Variants in ZNF451 observed in about 807,000 individuals in gnomAD.
The protein encoded by ZNF451 is E3 SUMO-protein ligase ZNF451.
ZNF451 carries 80 observed loss-of-function variants against 107.1 expected under a neutral mutation model. The observed-to-expected ratio is 0.75, with a 90% CI of 0.62 to 0.90. The LOEUF (loss-of-function observed/expected upper bound fraction) is 0.90. Ranked by LOEUF, ZNF451 falls within the 40% of genes least tolerant of loss-of-function variation. The probability of loss-of-function intolerance (pLI) is 0.00; values close to 1 mark genes in which losing one functional copy is unlikely to be tolerated. For synonymous variants in ZNF451, 362 were observed against 406.5 expected, an observed-to-expected ratio of 0.89 and a Z score of 1.32; for missense variants, 1,107 against 1,236.2, an observed-to-expected ratio of 0.90 and a Z score of 1.57.
chr6:57,098,767 TTG>T (rs1039262106), intron 2 of ZNF451, among the ~76,000 whole-genome samples: 3 of 152,230 alleles, frequency 2.0e-5, no homozygotes, highest in African/African-American at 4.8e-5. Context: ...ATTATAATAT[TTG>T]TGTCTTTGTA....
At chr6:57,113,929 A>C (rs904772579) in intron 3 of ZNF451, among the ~76,000 whole-genome samples, 17 of 152,058 alleles carry the variant, frequency 1.1e-4, no homozygotes, top group African/African-American at 1.4e-4. Context: ...CCAGCCGAAA[A>C]ATTTTTTATA....
rs900317803 is a variant in ZNF451 at position 57,151,988 on chromosome 6, A to G, written c.2753-233A>G. ...CACACATTGCTTTTGATTTTGCCTA[A>G]TATCCATGTGAGTTTTAAGATGAGT... is the stretch of plus-strand genomic sequence containing the variant. On this transcript the variant is annotated intron_variant, in intron 11 of 14. Transcript: ENST00000370706. The G allele has an allele frequency of 1.5e-5, 6 of 409,864 alleles. No individual in the cohort carries two copies. The South Asian group carries it at 2.5e-4, about 17-fold the overall frequency. 25.4% of individuals were successfully genotyped at this position (409,864 alleles called of 1,614,324 possible). A position where few individuals can be genotyped will look rare whatever the true frequency, so the allele number is the denominator to read the frequency against.
At chr6:57,091,970 ACT>A (rs998931630) in intron 2 of ZNF451, among the ~76,000 whole-genome samples, 1 of 151,856 alleles carries the variant, frequency 6.6e-6, no homozygotes, top group Non-Finnish European at 1.5e-5. Flanking sequence ...TGTATGTTGT[ACT>A]CTCTCCTTTT....
chr6:57,166,039 T>A (rs1048296014), intron 14 of ZNF451, among the ~76,000 whole-genome samples: 1 of 152,140 alleles, frequency 6.6e-6, no homozygotes, highest in African/African-American at 2.4e-5. Flanking sequence ...CTACTTTTTT[T>A]TTTTTTGAGA....
Position 57,132,331 on chromosome 6 carries a change from A to G in ZNF451, c.425-711A>G, listed in dbSNP as rs568136750. On this transcript the variant is annotated intron_variant, in intron 5 of 14. Coordinates refer to ENST00000370706, the MANE Select transcript of ZNF451 (RefSeq NM_001031623.3). ...ATTCCATCCTCTCTACCCCAGTTAC[A>G]TTGTGTAATATAATTTTCATAGAGC... 3.5e-4 allele frequency among the ~76,000 whole-genome samples: 53 copies of G among 152,310 alleles called. No homozygotes were observed. The South Asian group carries it at 9.5e-3, about 27-fold the overall frequency.
chr6:57,127,307 T>C (rs1359775115), intron 4 of ZNF451, among the ~76,000 whole-genome samples: 1 of 152,194 alleles, frequency 6.6e-6, no homozygotes, highest in African/African-American at 2.4e-5. Context: ...AATTTTGTGT[T>C]AAAACCAGTG....
rs1763656478 is a variant in ZNF451 at position 57,161,162 on chromosome 6, T to C, written c.3139+10T>C. The C allele has an allele frequency of 6.9e-7, 1 of 1,459,690 alleles. No individual in the cohort carries two copies. The highest frequency in any genetic ancestry group is 1.4e-5 in the African/African-American group (1 of 69,136). 90.4% of individuals were successfully genotyped at this position (1,459,690 alleles called of 1,614,324 possible). A position where few individuals can be genotyped will look rare whatever the true frequency, so the allele number is the denominator to read the frequency against. On this transcript the variant is annotated intron_variant, in intron 14 of 14. Transcript: ENST00000370706. The stretch of plus-strand genomic sequence containing the variant: ...TTTATATCCACAGAAGGTAACCTAA[T>C]AGAGTTAATCTCTTTTCTACTTGAC...
intron 13 of ZNF451, chr6:57,158,954 T>G: frequency 2.0e-6 from 2 of 985,424 alleles, no homozygotes; most frequent in Non-Finnish European, 2.4e-6. Flanking sequence ...ACCTAGGTGC[T>G]ATGGAAGTGT....
intron 3 of ZNF451, chr6:57,102,081 T>C: frequency 6.6e-7 from 1 of 1,514,948 alleles, no homozygotes; most frequent in Non-Finnish European, 8.8e-7. Context: ...CAGAACGCCA[T>C]GGGTACAAGA....
intron 3 of ZNF451, chr6:57,124,522 T>C: frequency 1.4e-6 from 1 of 711,024 alleles, no homozygotes; most frequent in Non-Finnish European, 2.6e-6. Context: ...ATAAATGTCC[T>C]AGCAGCTCAT....
chr6:57,096,739 T>C (rs1447475240), intron 2 of ZNF451, among the ~76,000 whole-genome samples: 1 of 151,726 alleles, frequency 6.6e-6, no homozygotes, highest in Non-Finnish European at 1.5e-5. Context: ...TTAATTTTTC[T>C]TCTTGGATCG....
chr6:57,142,601 TGATA>T (rs904993265), intron 9 of ZNF451, among the ~76,000 whole-genome samples: 2 of 152,208 alleles, frequency 1.3e-5, no homozygotes, highest in Non-Finnish European at 2.9e-5. Context: ...ATTCCCTTGT[TGATA>T]GATAGTTGGG....
At chr6:57,099,378 T>A in intron 3 of ZNF451, 1 of 698,140 alleles carries the variant, frequency 1.4e-6, no homozygotes, top group Non-Finnish European at 2.6e-6. Context: ...ATTCAGAGCC[T>A]TAGAGGTGAT....
At chr6:57,157,593 A>G (rs575173309) in intron 13 of ZNF451, among the ~76,000 whole-genome samples, 2 of 152,308 alleles carry the variant, frequency 1.3e-5, no homozygotes, top group South Asian at 4.1e-4. Flanking sequence ...ATATATGTAT[A>G]AATTCTTGTA....
At chr6:57,101,722 T>C in intron 3 of ZNF451, 2 of 1,550,658 alleles carry the variant, frequency 1.3e-6, no homozygotes, top group Non-Finnish European at 1.7e-6. Flanking sequence ...TTGGCAACTT[T>C]GTACTACTAG....
intron 3 of ZNF451, chr6:57,104,229 A>G (rs780884958): frequency 1.5e-4 from 151 of 985,298 alleles, no homozygotes; most frequent in Non-Finnish European, 1.7e-4. Context: ...CTAAGAAATC[A>G]TACATTTTTG....
At chr6:57,145,139 T>C (rs951806410) in intron 9 of ZNF451, among the ~76,000 whole-genome samples, 1 of 152,198 alleles carries the variant, frequency 6.6e-6, no homozygotes, top group South Asian at 2.1e-4. Context: ...CTCTGGAGTT[T>C]AGTAGTGAAG....
Position 57,142,005 on chromosome 6 carries a change from T to A in ZNF451, c.914T>A (p.Ile305Asn). 1 of 1,614,118 alleles carries A rather than the reference T, an allele frequency of 6.2e-7. No individual in the cohort carries two copies. Among genetic ancestry groups the A allele is most frequent in the Non-Finnish European group, 8.5e-7 (1 of 1,179,964 alleles). The change falls in exon 9 of 15, where the codon ATC becomes AAC. Residue 305 changes from isoleucine (I) to asparagine (N), a missense_variant. Around this residue, in one of 5 missense-constraint regions of ZNF451, gnomAD observed 339 missense variants for 372.8 expected, o/e 0.91. Coordinates refer to ENST00000370706, the MANE Select transcript of ZNF451 (RefSeq NM_001031623.3). ...SFPSFAKKLLISLCKDVPFQV... is the reference protein window; with the variant it reads ...SFPSFAKKLLNSLCKDVPFQV... ...CCATCTTTTGCAAAGAAACTTTTGA[T>A]CTCTCTGTGCAAAGATGTTCCCTTT...
In ZNF451 at chr6:57,134,751, C is replaced by T; in HGVS notation, c.583C>T (p.His195Tyr). The T allele has an allele frequency of 6.2e-7, 1 of 1,611,964 alleles. No homozygotes were observed. The highest frequency in any genetic ancestry group is 1.3e-5 in the African/African-American group (1 of 74,998). Residue 195 changes from histidine to tyrosine, a missense_variant, in exon 7 of 15, where the codon CAC (histidine) becomes TAC (tyrosine). His to Tyr is a moderately conservative substitution (Grantham distance 83). Around this residue, in one of 5 missense-constraint regions of ZNF451, gnomAD observed 339 missense variants for 372.8 expected, o/e 0.91. Coordinates refer to ENST00000370706, the MANE Select transcript of ZNF451 (RefSeq NM_001031623.3). ...ACCTCTTTTGCTGAGTAGGTTCGAT[C>T]ACTCTCCATGTGATCCAACAATTAC... ...LLLGHLKRFD[H>Y]SPCDPTITLH...
Sources: gnomAD v4.1 joint callset for allele counts (sites outside exome capture counted in the v4.1 genomes callset) on GRCh38, gnomAD v4.1.1 for gene constraint, gnomAD v4.1.1 regional missense constraint, MANE v1.5 for transcripts, NCBI Gene and HGNC (gene_info 2026-07-23, HGNC 2026-07-21) for gene names.